SLC25A27: variants seen among roughly 807,000 people sequenced by gnomAD.
The protein encoded by SLC25A27 is mitochondrial uncoupling protein 4.
In SLC25A27, 35 loss-of-function variants were observed where a neutral mutation model predicts 49.1. The ratio of observed to expected loss-of-function variants is 0.71; its 90% confidence interval spans 0.54 to 0.95. The LOEUF is 0.95. Among genes scored for constraint, SLC25A27 ranks in the 40% least tolerant of loss-of-function variants. The pLI is 0.00. For missense variants in SLC25A27, 339 were observed against 397.1 expected, an observed-to-expected ratio of 0.85 and a Z score of 1.24; for synonymous variants, 144 against 136.9, an observed-to-expected ratio of 1.05 and a Z score of -0.36.
chr6:46,672,059 T>A (rs1345176884), intron 8 of SLC25A27, among the ~76,000 whole-genome samples: 1 of 152,164 alleles, frequency 6.6e-6, no homozygotes, highest in African/African-American at 2.4e-5. Context: ...CTATAAGTGA[T>A]AAATGTTATG....
rs749046535 is a variant in SLC25A27, at chr6:46,656,069, T to C, written c.298+35T>C. The C allele has an allele frequency of 7.0e-6, 11 of 1,560,364 alleles. No individual in the cohort carries two copies. The East Asian group carries it at 2.5e-4, about 36-fold the overall frequency. On this transcript the variant is annotated intron_variant, in intron 2 of 8. Transcript: ENST00000371347. Reference sequence around the variant, plus strand: ...TTGATTCTAGCTGGTAAGTTTGTTATGAGTTCTGTGTTTGTCTCCTGTGCT... The same window carrying C: ...TTGATTCTAGCTGGTAAGTTTGTTACGAGTTCTGTGTTTGTCTCCTGTGCT...
chr6:46,653,299 G>T lies in SLC25A27; in HGVS notation c.106+1G>T. 3 of 1,610,800 alleles carry T rather than the reference G, an allele frequency of 1.9e-6. No individual in the cohort carries two copies. Among genetic ancestry groups the T allele is most frequent in the Non-Finnish European group, 1.7e-6 (2 of 1,178,844 alleles). On this transcript the variant is annotated splice_donor_variant, in intron 1 of 8. Transcript: ENST00000371347. LOFTEE classifies it high-confidence loss of function. ...TGCGCGGCTACCGTGGCCGAGCTAG[G>T]TACCCGGCTGCCCACGCCTGGGCCT...
At chr6:46,664,658 A>T (rs1763266233) in intron 4 of SLC25A27, 116 bp from the exon 5 acceptor site, 2 of 499,590 alleles carry the variant, frequency 4.0e-6, no homozygotes, top group Admixed American at 3.8e-5. Flanking sequence ...TTCTGGATAA[A>T]TTATATCTGG....
intron 2 of SLC25A27, among the ~76,000 whole-genome samples, chr6:46,656,883 A>C (rs1309714195): frequency 6.6e-6 from 1 of 152,224 alleles, no homozygotes; most frequent in Non-Finnish European, 1.5e-5. Flanking sequence ...ACAATGAAGC[A>C]AGCCAGATAC....
intron 6 of SLC25A27, among the ~76,000 whole-genome samples, chr6:46,669,252 G>A (rs900187638): frequency 6.6e-6 from 1 of 152,098 alleles, no homozygotes; most frequent in African/African-American, 2.4e-5. Flanking sequence ...CAGGGTTCAG[G>A]GGAAGGAAAA....
At position 46,675,884 on chromosome 6, in the gene SLC25A27, T is replaced by C. The variant is rs552887857; in HGVS notation, c.901-499T>C. On this transcript the variant is annotated intron_variant, in intron 8 of 8. Coordinates refer to ENST00000371347, the MANE Select transcript of SLC25A27 (RefSeq NM_004277.5). ...AATGTTGTGAGACATCAGGTGTTGG[T>C]TTTATGACCTAAATCTCCATGGATA... Among the ~76,000 whole-genome samples the C allele has an allele frequency of 8.5e-5, 13 of 152,272 alleles. No individual in the cohort carries two copies. The East Asian group carries it at 2.3e-3, about 27-fold the overall frequency.
chr6:46,655,535 G>GTTTTTTTTTTTTTTTTTTTATTTTTT (rs1762946162), intron 1 of SLC25A27, among the ~76,000 whole-genome samples: 1 of 10,710 alleles, frequency 9.3e-5, no homozygotes, highest in Non-Finnish European at 2.0e-4. Flanking sequence ...GTTAATGTTT[G>GTTTTTTTTTTTTTTTTTTTATTTTTT]TTTTTTTTTT....
intron 4 of SLC25A27, 92 bp from the exon 5 acceptor site, chr6:46,664,682 C>T: frequency 1.9e-6 from 1 of 531,844 alleles, no homozygotes; most frequent in Non-Finnish European, 3.2e-6. Context: ...TTATTTACTC[C>T]AGATTATAAG....
At chr6:46,674,912 GGTTTTTCTCTA>G (rs1365681863) in intron 8 of SLC25A27, among the ~76,000 whole-genome samples, 2 of 152,128 alleles carry the variant, frequency 1.3e-5, no homozygotes, top group Non-Finnish European at 2.9e-5. Context: ...CCCTGCTTCT[GGTTTTTCTCTA>G]GCCTTATGGC....
At chr6:46,673,462 G>T (rs1291241261) in intron 8 of SLC25A27, among the ~76,000 whole-genome samples, 1 of 152,184 alleles carries the variant, frequency 6.6e-6, no homozygotes, top group African/African-American at 2.4e-5. Context: ...TACTCTGTGG[G>T]AACACAGATA....
chr6:46,669,713 T>C (rs1442697047), intron 6 of SLC25A27, among the ~76,000 whole-genome samples: 1 of 152,220 alleles, frequency 6.6e-6, no homozygotes, highest in East Asian at 1.9e-4. Context: ...GTGTCCTTTG[T>C]AACCACTCAA....
intron 5 of SLC25A27, among the ~76,000 whole-genome samples, chr6:46,665,975 G>A (rs1193690789): frequency 6.6e-6 from 1 of 152,210 alleles, no homozygotes; most frequent in Non-Finnish European, 1.5e-5. Context: ...GCAAAATCTG[G>A]CCTGTGCCTT....
rs567758095 is a variant in SLC25A27, at chr6:46,661,541, C to T, written c.384-835C>T. On this transcript the variant is annotated intron_variant, in intron 3 of 8. Transcript: ENST00000371347. Reference sequence around the variant, plus strand: ...TGTACAACTTGACATTCTATGTTAGCGCTTTTACAAAGGAACATTTATACA... The same window carrying T: ...TGTACAACTTGACATTCTATGTTAGTGCTTTTACAAAGGAACATTTATACA... 1.1e-4 allele frequency among the ~76,000 whole-genome samples: 16 copies of T among 152,298 alleles called. 1 individual carries two copies. Among genetic ancestry groups the T allele is most frequent in the Middle Eastern group, 3.4e-3 (1 of 294 alleles).
At chr6:46,660,196 C>T (rs897598030) in intron 3 of SLC25A27, among the ~76,000 whole-genome samples, 1 of 142,328 alleles carries the variant, frequency 7.0e-6, no homozygotes, top group South Asian at 2.3e-4. Context: ...GATTCCACTG[C>T]CTGCACATAC....
intron 1 of SLC25A27, chr6:46,654,236 G>A: frequency 2.3e-6 from 1 of 442,974 alleles, no homozygotes; most frequent in Non-Finnish European, 3.0e-6. Context: ...AAAAAGAACA[G>A]TTCTGATGCG....
intron 3 of SLC25A27, among the ~76,000 whole-genome samples, chr6:46,660,753 C>G (rs1165340807): frequency 6.6e-6 from 1 of 152,136 alleles, no homozygotes; most frequent in Admixed American, 6.5e-5. Context: ...TGTAGAGTTT[C>G]ACCTTTCAGG....
In SLC25A27 at chr6:46,653,138, C is replaced by G. The variant is rs1762810935; in HGVS notation, c.-55C>G. 6.6e-7 allele frequency: 1 copy of G among 1,526,388 alleles called. No homozygotes were observed. Among genetic ancestry groups the G allele is most frequent in the East Asian group, 2.3e-5 (1 of 43,724 alleles). 94.6% of individuals were successfully genotyped at this position (1,526,388 alleles called of 1,614,324 possible). ...CCTGGCAGGGAAGCGGCCGCCGCGG[C>G]GCGGTGCAGCGCAGCGGCGAGAAGG... On this transcript the variant is annotated 5_prime_UTR_variant, in exon 1 of 9. Transcript: ENST00000371347.
At chr6:46,657,419 T>C (rs575830109) in intron 2 of SLC25A27, among the ~76,000 whole-genome samples, 23 of 152,152 alleles carry the variant, frequency 1.5e-4, no homozygotes, top group Non-Finnish European at 4.4e-5. Flanking sequence ...GCCGAGATCA[T>C]GCCATTGCAC....
At chr6:46,657,369 A>G (rs1177756898) in intron 2 of SLC25A27, among the ~76,000 whole-genome samples, 1 of 152,178 alleles carries the variant, frequency 6.6e-6, no homozygotes, top group Non-Finnish European at 1.5e-5. Context: ...AGGCTAAGGC[A>G]GGAAAATCGC....
Sources: gnomAD v4.1 joint callset for allele counts (sites outside exome capture counted in the v4.1 genomes callset) on GRCh38, gnomAD v4.1.1 for gene constraint, MANE v1.5 for transcripts, NCBI Gene and HGNC (gene_info 2026-07-23, HGNC 2026-07-21) for gene names.